Variants in ZNRF1 observed in about 807,000 individuals in gnomAD.
The protein encoded by ZNRF1 is zinc and ring finger 1, also known as E3 ubiquitin-protein ligase ZNRF1.
A neutral mutation model predicts 18.4 loss-of-function variants in ZNRF1; 3 were observed. The observed-to-expected ratio is 0.16, with a 90% CI of 0.07 to 0.42. The LOEUF (loss-of-function observed/expected upper bound fraction) is 0.42. ZNRF1 is among the 10% of genes least tolerant of loss of function. The probability of loss-of-function intolerance (pLI) is 0.99; values close to 1 mark genes in which losing one functional copy is unlikely to be tolerated. For missense variants in ZNRF1, 310 were observed against 329.8 expected, an observed-to-expected ratio of 0.94 and a Z score of 0.47; for synonymous variants, 157 against 144.2, an observed-to-expected ratio of 1.09 and a Z score of -0.64.
rs1416348681 is a variant in ZNRF1 at position 75,110,668 on chromosome 16, T to G, written c.*2968T>G. 6.6e-6 allele frequency: 1 copy of G among 152,262 alleles called. No homozygotes were observed. Among genetic ancestry groups the G allele is most frequent in the African/African-American group, 2.4e-5 (1 of 41,476 alleles). 9.4% of individuals were successfully genotyped at this position (152,262 alleles called of 1,614,324 possible). A position where few individuals can be genotyped will look rare whatever the true frequency, so the allele number is the denominator to read the frequency against. On this transcript the variant is annotated 3_prime_UTR_variant, in exon 5 of 5. Coordinates refer to ENST00000335325, the MANE Select transcript of ZNRF1 (RefSeq NM_032268.5). ...AGTGTACTTGTTCTTTCAACTTTTC[T>G]GTATGTTTGGAATTTTTCTTAATAA... is the stretch of plus-strand genomic sequence containing the variant.
chr16:75,078,279 A>C (rs1391558291), intron 1 of ZNRF1, among the ~76,000 whole-genome samples: 1 of 134,812 alleles, frequency 7.4e-6, no homozygotes, highest in Non-Finnish European at 1.6e-5. Flanking sequence ...ATTCTCTTCC[A>C]TACATTTCTT....
At chr16:75,055,650 A>G (rs1000308244) in intron 1 of ZNRF1, among the ~76,000 whole-genome samples, 2 of 152,120 alleles carry the variant, frequency 1.3e-5, no homozygotes, top group Non-Finnish European at 2.9e-5. Context: ...GCTCCTTCCT[A>G]CCAGCCTGTG....
chr16:75,018,284 C>T lies in ZNRF1; in HGVS notation c.424+18189C>T, dbSNP rs145482308. ...CTTTTAAAATTGTTTATAATTGTTT[C>T]GGGTTTCTTGTTATGCTCTTGTAGG... On this transcript the variant is annotated intron_variant, in intron 1 of 4. Transcript: ENST00000335325. 5.8e-4 allele frequency among the ~76,000 whole-genome samples: 88 copies of T among 152,192 alleles called. 1 individual carries two copies. The highest frequency in any genetic ancestry group is 2.0e-3 in the African/African-American group (85 of 41,520).
At chr16:75,020,775 C>G (rs1238019993) in intron 1 of ZNRF1, among the ~76,000 whole-genome samples, 2 of 152,176 alleles carry the variant, frequency 1.3e-5, no homozygotes, top group African/African-American at 4.8e-5. Context: ...ATCTCCTGAC[C>G]TCATGATCCG....
intron 1 of ZNRF1, among the ~76,000 whole-genome samples, chr16:75,021,290 C>T (rs189347238): frequency 2.0e-5 from 3 of 152,284 alleles, no homozygotes; most frequent in South Asian, 4.1e-4. Context: ...CCATCTGCCT[C>T]GGCCTCCCAC....
At chr16:75,101,448 G>A (rs1445852084) in intron 2 of ZNRF1, among the ~76,000 whole-genome samples, 1 of 152,076 alleles carries the variant, frequency 6.6e-6, no homozygotes, top group East Asian at 1.9e-4. Context: ...CAGCTACTTA[G>A]TAGGCTGAGG....
At chr16:75,012,188 A>C (rs759175159) in intron 1 of ZNRF1, among the ~76,000 whole-genome samples, 1 of 152,244 alleles carries the variant, frequency 6.6e-6, no homozygotes, top group Non-Finnish European at 1.5e-5. Flanking sequence ...TTCAAAGTGC[A>C]GGACAGCAGA....
intron 1 of ZNRF1, among the ~76,000 whole-genome samples, chr16:75,092,937 C>G (rs2036156675): frequency 1.3e-5 from 2 of 152,144 alleles, no homozygotes; most frequent in Non-Finnish European, 2.9e-5. Context: ...GGTTTGATGC[C>G]TCCCTACCCC....
chr16:75,030,806 C>T (rs1251989614), intron 1 of ZNRF1, among the ~76,000 whole-genome samples: 1 of 148,696 alleles, frequency 6.7e-6, no homozygotes, highest in Non-Finnish European at 1.5e-5. Context: ...AAGGTTCACT[C>T]ACATTGTAGC....
At chr16:75,054,320 T>A (rs541396816) in intron 1 of ZNRF1, among the ~76,000 whole-genome samples, 4 of 152,380 alleles carry the variant, frequency 2.6e-5, no homozygotes, top group African/African-American at 9.6e-5. Flanking sequence ...TAGGGTACTC[T>A]TGTTCTAAAA....
chr16:75,062,189 T>C (rs2035752077), intron 1 of ZNRF1, among the ~76,000 whole-genome samples: 1 of 152,192 alleles, frequency 6.6e-6, no homozygotes, highest in Non-Finnish European at 1.5e-5. Context: ...AGCTCATTTG[T>C]AATAACATGC....
At chr16:75,101,328 GGT>G (rs2036252981) in intron 2 of ZNRF1, among the ~76,000 whole-genome samples, 1 of 152,224 alleles carries the variant, frequency 6.6e-6, no homozygotes, top group Admixed American at 6.5e-5. Context: ...GGCCGAGGTA[GGT>G]GGATCACGAG....
At chr16:75,048,785 TG>T (rs1190484379) in intron 1 of ZNRF1, among the ~76,000 whole-genome samples, 2 of 152,170 alleles carry the variant, frequency 1.3e-5, no homozygotes, top group Non-Finnish European at 2.9e-5. Flanking sequence ...TAGGCAAAGG[TG>T]ATCTGTAGCT....
chr16:75,087,377 T>C (rs1474839099), intron 1 of ZNRF1, among the ~76,000 whole-genome samples: 3 of 152,228 alleles, frequency 2.0e-5, no homozygotes, highest in African/African-American at 7.2e-5. Context: ...TCAAGAGCTC[T>C]GCTCTCTGGT....
chr16:75,060,473 CTTTTTT>C (rs34182819), intron 1 of ZNRF1, among the ~76,000 whole-genome samples: 2 of 70,248 alleles, frequency 2.8e-5, no homozygotes, highest in Non-Finnish European at 2.6e-5. Flanking sequence ...CTCAGAAAAT[CTTTTTT>C]TTTTTTTTTT....
At chr16:75,018,997 C>G (rs1392061672) in intron 1 of ZNRF1, among the ~76,000 whole-genome samples, 1 of 152,040 alleles carries the variant, frequency 6.6e-6, no homozygotes, top group Admixed American at 6.6e-5. Flanking sequence ...GAAACCCTGT[C>G]TCTACTGAAA....
chr16:75,006,425 C>CAGTT (rs879634602), intron 1 of ZNRF1, among the ~76,000 whole-genome samples: 57 of 151,524 alleles, frequency 3.8e-4, no homozygotes, highest in Admixed American at 9.2e-4. Context: ...TAACCTCAGT[C>CAGTT]AGTTTGTTTG....
At chr16:75,010,711 G>GTTTTTTTTTTTTTTTTTTTTTTTTT (rs67210395) in intron 1 of ZNRF1, among the ~76,000 whole-genome samples, 3 of 74,348 alleles carry the variant, frequency 4.0e-5, no homozygotes, top group Admixed American at 1.6e-4. Flanking sequence ...GTTTTTTTTT[G>GTTTTTTTTTTTTTTTTTTTTTTTTT]TTTTTTTGTT....
rs1050273391 is a variant in ZNRF1 at position 75,108,038 on chromosome 16, C to T, written c.*338C>T. The T allele has an allele frequency of 3.9e-5, 12 of 311,498 alleles. No homozygotes were observed. Among genetic ancestry groups the T allele is most frequent in the East Asian group, 2.1e-4 (2 of 9,420 alleles). 19.3% of individuals were successfully genotyped at this position (311,498 alleles called of 1,614,324 possible). On this transcript the variant is annotated 3_prime_UTR_variant, in exon 5 of 5. Transcript: ENST00000335325. ...ATTATATAAAAAAAAAGTCTAGTGT[C>T]GACTGGTGTTTTCCCTCGTGATGTT...
Sources: gnomAD v4.1 joint callset for allele counts (sites outside exome capture counted in the v4.1 genomes callset) on GRCh38, gnomAD v4.1.1 for gene constraint, MANE v1.5 for transcripts, NCBI Gene and HGNC (gene_info 2026-07-23, HGNC 2026-07-21) for gene names.